The following LRP1B variants were observed in gnomAD, a reference collection of about 807,000 sequenced individuals.
LRP1B encodes low-density lipoprotein receptor-related protein 1B.
A neutral mutation model predicts 556.6 loss-of-function variants in LRP1B; 217 were observed. That is an observed-to-expected ratio of 0.39 (90% CI 0.35 to 0.44). The LOEUF (loss-of-function observed/expected upper bound fraction) is 0.44, where lower values mean the gene tolerates loss of function less well. LRP1B is among the 20% of genes least tolerant of loss of function. The pLI is 1.00. For missense variants in LRP1B, 5,053 were observed against 5,620.8 expected, an observed-to-expected ratio of 0.90 and a Z score of 3.23; for synonymous variants, 2,047 against 1,865.8, an observed-to-expected ratio of 1.10 and a Z score of -2.50.
chr2:140,776,896 T>C (rs1421556207), intron 32 of LRP1B, among the ~76,000 whole-genome samples: 3 of 152,164 alleles, frequency 2.0e-5, no homozygotes, highest in Non-Finnish European at 2.9e-5. Context: ...CCCCCTCTTA[T>C]TGTATTATTT....
chr2:141,591,581 G>GGTGTGTGT (rs72043982), intron 2 of LRP1B, among the ~76,000 whole-genome samples: 26,276 of 148,028 alleles, frequency 0.18, 2,768 homozygotes, highest in East Asian at 0.32. Flanking sequence ...ACTGCAGAGT[G>GGTGTGTGT]GTGTGTGTGT....
At chr2:140,609,219 C>T (rs1440771938) in intron 41 of LRP1B, among the ~76,000 whole-genome samples, 1 of 152,056 alleles carries the variant, frequency 6.6e-6, no homozygotes, top group African/African-American at 2.4e-5. Flanking sequence ...TACAGCCACT[C>T]CTTGAGAAAT....
intron 51 of LRP1B, among the ~76,000 whole-genome samples, chr2:140,511,648 C>A (rs149219464): frequency 1.8e-3 from 266 of 150,546 alleles, no homozygotes; most frequent in Admixed American, 2.9e-3. Flanking sequence ...TTGACATATA[C>A]CTTAGCCTGG....
chr2:140,468,497 G>T (rs759463308), intron 60 of LRP1B, among the ~76,000 whole-genome samples: 2 of 152,080 alleles, frequency 1.3e-5, no homozygotes, highest in Admixed American at 1.3e-4. Flanking sequence ...GCAGAGCTGT[G>T]GGGGTGGAGT....
intron 35 of LRP1B, among the ~76,000 whole-genome samples, chr2:140,749,182 A>C (rs1486582726): frequency 6.6e-6 from 1 of 152,090 alleles, no homozygotes; most frequent in Non-Finnish European, 1.5e-5. Flanking sequence ...TTATCACAAA[A>C]GAAGCTAGTT....
chr2:141,756,687 C>T (rs1351907661), intron 2 of LRP1B, among the ~76,000 whole-genome samples: 1 of 151,928 alleles, frequency 6.6e-6, no homozygotes, highest in Admixed American at 6.6e-5. Context: ...TATATTTAGA[C>T]ATGTTCCCAT....
At chr2:140,835,873 C>T (rs1424720685) in intron 31 of LRP1B, among the ~76,000 whole-genome samples, 1 of 152,162 alleles carries the variant, frequency 6.6e-6, no homozygotes, top group Non-Finnish European at 1.5e-5. Flanking sequence ...ATTTGCAGGA[C>T]TCCTGCGTCC....
intron 41 of LRP1B, among the ~76,000 whole-genome samples, chr2:140,624,562 T>C (rs1305586525): frequency 6.6e-6 from 1 of 152,180 alleles, no homozygotes; most frequent in Non-Finnish European, 1.5e-5. Context: ...CCACACCTGC[T>C]AGATATTCCC....
At chr2:140,414,215 C>T (rs1201883371) in intron 66 of LRP1B, among the ~76,000 whole-genome samples, 1 of 152,220 alleles carries the variant, frequency 6.6e-6, no homozygotes, top group Non-Finnish European at 1.5e-5. Flanking sequence ...CACACAGGGC[C>T]CATCTTTTTT....
chr2:140,965,896 T>TTTAC (rs1553438425), intron 18 of LRP1B, among the ~76,000 whole-genome samples: 1 of 150,006 alleles, frequency 6.7e-6, no homozygotes, highest in Non-Finnish European at 1.5e-5. Flanking sequence ...ATCCTTTTTT[T>TTTAC]ATGGCTGCAT....
chr2:141,456,449 T>C (rs565414304), intron 3 of LRP1B, among the ~76,000 whole-genome samples: 1 of 152,328 alleles, frequency 6.6e-6, no homozygotes, highest in East Asian at 1.9e-4. Flanking sequence ...GATATTACTT[T>C]GTTATTTTTT....
At chr2:141,449,047 A>G (rs1438686302) in intron 3 of LRP1B, among the ~76,000 whole-genome samples, 1 of 152,262 alleles carries the variant, frequency 6.6e-6, no homozygotes, top group Non-Finnish European at 1.5e-5. Context: ...CATAGGTAAC[A>G]TTTACATGGT....
At chr2:142,016,834 TTATATGTA>T (rs932975029) in intron 1 of LRP1B, among the ~76,000 whole-genome samples, 3 of 94,606 alleles carry the variant, frequency 3.2e-5, no homozygotes, top group East Asian at 6.8e-4. Context: ...ATATATATAT[TTATATGTA>T]TATATGTATA....
chr2:141,064,035 A>G (rs1699412186), intron 7 of LRP1B, among the ~76,000 whole-genome samples: 1 of 151,874 alleles, frequency 6.6e-6, no homozygotes, highest in Non-Finnish European at 1.5e-5. Flanking sequence ...CAGATGACTT[A>G]ATTGAATGAG....
intron 2 of LRP1B, among the ~76,000 whole-genome samples, chr2:141,518,182 A>C (rs1461310926): frequency 1.3e-5 from 2 of 151,916 alleles, no homozygotes; most frequent in East Asian, 3.9e-4. Context: ...TGTAACCATG[A>C]TGAAGGCAAA....
intron 35 of LRP1B, among the ~76,000 whole-genome samples, chr2:140,749,221 T>C (rs1031827177): frequency 6.6e-6 from 1 of 152,122 alleles, no homozygotes; most frequent in Non-Finnish European, 1.5e-5. Context: ...GAGTGTTGAG[T>C]AAATGTGAAG....
chr2:142,041,789 AT>A (rs892052274), intron 1 of LRP1B, among the ~76,000 whole-genome samples: 1 of 151,484 alleles, frequency 6.6e-6, no homozygotes, highest in African/African-American at 2.4e-5. Context: ...AAGACATAAA[AT>A]CCAAAAGGTT....
At chr2:140,710,715 C>A (rs12464959) in intron 37 of LRP1B, among the ~76,000 whole-genome samples, 1 of 151,874 alleles carries the variant, frequency 6.6e-6, no homozygotes. Flanking sequence ...AAAAGGAATT[C>A]TTGGATGGAC....
chr2:141,650,080 T>C (rs1484223066), intron 2 of LRP1B, among the ~76,000 whole-genome samples: 1 of 152,148 alleles, frequency 6.6e-6, no homozygotes, highest in African/African-American at 2.4e-5. Context: ...GTTGGGGGGC[T>C]GAGGCAGGAG....
Sources: allele counts gnomAD v4.1 joint callset (sites outside exome capture counted in the v4.1 genomes callset), GRCh38; gene constraint gnomAD v4.1.1; transcripts MANE v1.5; gene names NCBI Gene and HGNC (gene_info 2026-07-23, HGNC 2026-07-21).